The following SLC9D1 variants were observed in gnomAD, a reference collection of about 807,000 sequenced individuals.
SLC9D1 encodes putative LAG1-interacting protein.
At chr13:113,539,326 C>A in the SLC9D1 span, 8 of 1,604,508 alleles carry the variant, frequency 5.0e-6, no homozygotes, top group Non-Finnish European at 6.8e-6. The surrounding 1 kb of genome is among the most constrained non-coding windows in gnomAD (Gnocchi z 4.8). Flanking sequence ...ACTGTGGGGT[C>A]TCATGTAAAG....
At chr13:113,491,114 C>T in the SLC9D1 span, 1 of 153,104 alleles carries the variant, frequency 6.5e-6, no homozygotes, top group Non-Finnish European at 1.5e-5. Flanking sequence ...CTCCCTGGTC[C>T]CGCCTGGGAA....
the SLC9D1 span, among the ~76,000 whole-genome samples, chr13:113,526,042 G>A: frequency 6.1e-5 from 9 of 148,572 alleles, no homozygotes; most frequent in South Asian, 6.4e-4. Flanking sequence ...GCTATGTGCC[G>A]GTTATTCTAG....
the SLC9D1 span, among the ~76,000 whole-genome samples, chr13:113,525,713 G>A: frequency 1.6e-4 from 23 of 145,798 alleles, 1 homozygote; most frequent in South Asian, 3.2e-3. Flanking sequence ...CATCGTCATC[G>A]TAGGAGACGA....
the SLC9D1 span, among the ~76,000 whole-genome samples, chr13:113,547,554 G>C: frequency 3.3e-5 from 5 of 152,222 alleles, no homozygotes; most frequent in Non-Finnish European, 7.3e-5. Flanking sequence ...AGACGAGGCT[G>C]GGCGGTCTGG....
chr13:113,540,079 T>A, the SLC9D1 span, among the ~76,000 whole-genome samples: 1 of 152,270 alleles, frequency 6.6e-6, no homozygotes, highest in South Asian at 2.1e-4. Flanking sequence ...TAACATTCCC[T>A]GATGTATATG....
At chr13:113,501,473 G>A in the SLC9D1 span, among the ~76,000 whole-genome samples, 8 of 152,170 alleles carry the variant, frequency 5.3e-5, no homozygotes, top group African/African-American at 1.9e-4. Flanking sequence ...GGTCTGGGGG[G>A]CAGGGGAGGA....
chr13:113,521,800 G>A, the SLC9D1 span, among the ~76,000 whole-genome samples: 1 of 152,170 alleles, frequency 6.6e-6, no homozygotes, highest in East Asian at 1.9e-4. Flanking sequence ...CAGTTGCAAA[G>A]TCTAGGGTGC....
chr13:113,517,417 A>G, the SLC9D1 span, among the ~76,000 whole-genome samples: 1 of 152,188 alleles, frequency 6.6e-6, no homozygotes, highest in African/African-American at 2.4e-5. Context: ...TTTAGTAGAG[A>G]CGGGGTTTCA....
chr13:113,526,944 C>T, the SLC9D1 span, among the ~76,000 whole-genome samples: 270 of 152,338 alleles, frequency 1.8e-3, no homozygotes, highest in Non-Finnish European at 2.8e-3. Flanking sequence ...TTACAGTTGG[C>T]TGCAGTATTA....
chr13:113,499,993 G>A, the SLC9D1 span: 2 of 1,560,294 alleles, frequency 1.3e-6, no homozygotes, highest in South Asian at 1.2e-5. Context: ...TTCTGAGGGT[G>A]GAGGAAGAAG....
the SLC9D1 span, among the ~76,000 whole-genome samples, chr13:113,524,553 C>T: frequency 6.6e-6 from 1 of 152,140 alleles, no homozygotes; most frequent in Non-Finnish European, 1.5e-5. Flanking sequence ...CCGGGCCAGT[C>T]TCAAACTCCT....
the SLC9D1 span, chr13:113,500,238 C>G: frequency 2.6e-6 from 2 of 779,294 alleles, no homozygotes; most frequent in Non-Finnish European, 3.7e-6. Flanking sequence ...GAACAAGGCA[C>G]AGCCTTCCTT....
chr13:113,523,983 T>C, the SLC9D1 span: 2 of 389,174 alleles, frequency 5.1e-6, no homozygotes, highest in African/African-American at 2.1e-5. Context: ...GAACATTTTG[T>C]ATGATTTCAG....
At chr13:113,526,643 TG>T in the SLC9D1 span, among the ~76,000 whole-genome samples, 1 of 152,176 alleles carries the variant, frequency 6.6e-6, no homozygotes, top group South Asian at 2.1e-4. Flanking sequence ...TGCTTGAGCC[TG>T]GGAGATAAAG....
the SLC9D1 span, among the ~76,000 whole-genome samples, chr13:113,517,235 C>G: frequency 1.3e-5 from 2 of 152,118 alleles, no homozygotes; most frequent in South Asian, 4.1e-4. Context: ...TTCATGCAGC[C>G]TTTGTTGTTG....
the SLC9D1 span, chr13:113,500,250 T>C: frequency 1.5e-6 from 1 of 660,112 alleles, no homozygotes; most frequent in Non-Finnish European, 2.3e-6. Flanking sequence ...GCCTTCCTTC[T>C]AGCAGAGATT....
the SLC9D1 span, among the ~76,000 whole-genome samples, chr13:113,494,490 C>G: frequency 8.5e-5 from 13 of 152,216 alleles, no homozygotes; most frequent in African/African-American, 3.1e-4. Context: ...GCACTGAAAC[C>G]GTCCTCATTC....
the SLC9D1 span, among the ~76,000 whole-genome samples, chr13:113,501,326 T>C: frequency 6.6e-6 from 1 of 152,240 alleles, no homozygotes; most frequent in East Asian, 1.9e-4. Context: ...AAAATACAAA[T>C]AAAATATGAC....
chr13:113,535,923 T>G, the SLC9D1 span, among the ~76,000 whole-genome samples: 1 of 151,710 alleles, frequency 6.6e-6, no homozygotes, highest in Non-Finnish European at 1.5e-5. This position sits in a 1 kb window ranked among gnomAD's most constrained non-coding sequence, Gnocchi z 4.1. Flanking sequence ...GGGGAGGGAC[T>G]GGGGATGGAT....
Sources: allele counts gnomAD v4.1 joint callset (sites outside exome capture counted in the v4.1 genomes callset), GRCh38; gene constraint gnomAD v4.1.1; non-coding constraint Gnocchi (gnomAD v3.1); transcripts MANE v1.5; gene names NCBI Gene and HGNC (gene_info 2026-07-23, HGNC 2026-07-21).